CENPS: variants seen among roughly 807,000 people sequenced by gnomAD.
CENPS encodes FANCM associated histone fold protein 1.
Under a neutral mutation model 17.9 loss-of-function variants are expected in CENPS, and 16 were observed. The observed-to-expected ratio is 0.90, with a 90% CI of 0.61 to 1.36. The LOEUF is 1.36. Among genes scored for constraint, CENPS ranks in the 40% most tolerant of loss-of-function variants. The pLI is 0.00. For missense variants in CENPS, 160 were observed against 158.6 expected (o/e 1.01, Z -0.05); for synonymous variants, 49 against 55.8 (o/e 0.88, Z 0.54).
At chr1:10,438,780 T>C (rs1640285091) in intron 3 of CENPS, among the ~76,000 whole-genome samples, 1 of 152,204 alleles carries the variant, frequency 6.6e-6, no homozygotes, top group Middle Eastern at 3.2e-3. Flanking sequence ...CGTTGTTTCC[T>C]AAACGCTTTC....
At chr1:10,436,599 A>T (rs1207576405) in intron 3 of CENPS, among the ~76,000 whole-genome samples, 1 of 151,506 alleles carries the variant, frequency 6.6e-6, no homozygotes, top group Non-Finnish European at 1.5e-5. Context: ...TCAGCTACTC[A>T]AAAGGTTGAG....
intron 3 of CENPS, among the ~76,000 whole-genome samples, chr1:10,439,087 C>G (rs1640300966): frequency 6.6e-6 from 1 of 152,180 alleles, no homozygotes; most frequent in Non-Finnish European, 1.5e-5. Context: ...CAGATATTGT[C>G]AATCACGATG....
At chr1:10,430,625 CA>C in intron 1 of CENPS, 57 bp downstream of exon 1, 1 of 1,506,154 alleles carries the variant, frequency 6.6e-7, no homozygotes, top group East Asian at 2.7e-5. Flanking sequence ...AGTTTCTGGA[CA>C]GAAAAGTACC....
intron 3 of CENPS, among the ~76,000 whole-genome samples, chr1:10,435,712 T>TACACACACACACACACACACACAC (rs1157849538): frequency 7.0e-6 from 1 of 143,816 alleles, no homozygotes; most frequent in African/African-American, 2.6e-5. Context: ...AATATATATA[T>TACACACACACACACACACACACAC]ATATACACAC....
At position 10,440,349 on chromosome 1, in the gene CENPS, A is replaced by T. The variant is rs1022199082; in HGVS notation, c.212A>T (p.His71Leu). The T allele has an allele frequency of 6.2e-7, 1 of 1,613,562 alleles. No individual in the cohort carries two copies. Among genetic ancestry groups the T allele is most frequent in the African/African-American group, 1.3e-5 (1 of 74,912 alleles). ...FAKDLEMFAR[H>L]AKRTTINTED... ...ACTTGCTTCTGCCCTTTCTGCAGAC[A>T]TGCGAAAAGAACCACAATTAACACT... Residue 71 changes from histidine (H) to leucine (L), a missense_variant and splice_region_variant, in exon 4 of 5, where the codon CAT (histidine) becomes CTT (leucine). By Grantham distance (99) the His-to-Leu change is moderately conservative. Coordinates refer to ENST00000309048, the MANE Select transcript of CENPS (RefSeq NM_199294.3).
chr1:10,440,635 A>C (rs1311554783), intron 4 of CENPS, among the ~76,000 whole-genome samples: 2 of 152,166 alleles, frequency 1.3e-5, no homozygotes, highest in African/African-American at 4.8e-5. Flanking sequence ...TGGATTTTAC[A>C]ATTTGCCTGT....
intron 3 of CENPS, among the ~76,000 whole-genome samples, chr1:10,435,830 TC>T (rs1242160531): frequency 2.0e-5 from 3 of 151,992 alleles, no homozygotes; most frequent in Non-Finnish European, 4.4e-5. Context: ...TGCCTTGGGC[TC>T]CCAAAGTGCT....
At chr1:10,431,400 C>G in intron 1 of CENPS, 1 of 1,535,266 alleles carries the variant, frequency 6.5e-7, no homozygotes, top group Non-Finnish European at 8.7e-7. Context: ...TGCAAGAACA[C>G]GGTACAGAAT....
At chr1:10,433,372 G>T (rs528114858) in intron 1 of CENPS, among the ~76,000 whole-genome samples, 2 of 152,280 alleles carry the variant, frequency 1.3e-5, no homozygotes, top group African/African-American at 4.8e-5. Context: ...CCTCTGTGAC[G>T]TGCAGGCCTG....
At chr1:10,430,852 G>A in intron 1 of CENPS, 1 of 1,324,416 alleles carries the variant, frequency 7.6e-7, no homozygotes, top group Non-Finnish European at 9.6e-7. Flanking sequence ...GCCTTGCGAT[G>A]AATCCTCGGT....
Position 10,442,366 on chromosome 1 carries a change from G to A in CENPS, c.378G>A (p.Arg126=). 1 of 1,606,078 alleles carries A rather than the reference G, an allele frequency of 6.2e-7. No individual in the cohort carries two copies. Among genetic ancestry groups the A allele is most frequent in the Non-Finnish European group, 8.5e-7 (1 of 1,177,988 alleles). The change falls in exon 5 of 5, where the codon AGG becomes AGA. Residue 126 remains arginine (R), a synonymous_variant. Transcript: ENST00000309048. ...KKSEDGSKNS[R]QPAEAGVVES... The stretch of plus-strand genomic sequence containing the variant: ...CAGAGGATGGAAGCAAAAATTCAAG[G>A]CAGCCAGCAGAGGCTGGAGTGGTGG...
intron 1 of CENPS, 80 bp downstream of exon 1, chr1:10,430,648 G>A (rs1397432461): frequency 4.1e-6 from 6 of 1,478,292 alleles, no homozygotes; most frequent in South Asian, 3.9e-5. Flanking sequence ...GGCAGCCCCC[G>A]GCGGCTTCTC....
chr1:10,438,917 T>C (rs1234155686), intron 3 of CENPS, among the ~76,000 whole-genome samples: 1 of 152,242 alleles, frequency 6.6e-6, no homozygotes, highest in East Asian at 1.9e-4. Context: ...ACCCTGTCCA[T>C]GTGCACTTAA....
intron 3 of CENPS, 133 bp downstream of exon 3, chr1:10,434,823 TG>T: frequency 7.7e-7 from 1 of 1,298,556 alleles, no homozygotes; most frequent in Non-Finnish European, 1.0e-6. Flanking sequence ...TCTCTAATCA[TG>T]GTTCTGCAAG....
At chr1:10,432,841 G>A (rs115486113) in intron 1 of CENPS, among the ~76,000 whole-genome samples, 1,835 of 152,262 alleles carry the variant, frequency 0.012, 37 homozygotes, top group African/African-American at 0.042. Context: ...GCTGTAGTGT[G>A]CAGTGATCAC....
intron 1 of CENPS, chr1:10,431,099 A>G: frequency 7.1e-7 from 1 of 1,402,612 alleles, no homozygotes; most frequent in South Asian, 1.5e-5. Flanking sequence ...CTCGGCCCAG[A>G]CGCAATTTTC....
At chr1:10,432,565 A>G (rs1413514310) in intron 1 of CENPS, among the ~76,000 whole-genome samples, 2 of 152,168 alleles carry the variant, frequency 1.3e-5, no homozygotes, top group Non-Finnish European at 2.9e-5. Context: ...CAAAATTGAC[A>G]GGGTCCTGCC....
rs1432124479 is a variant in CENPS, at chr1:10,433,908, A to G, written c.118A>G (p.Met40Val). 3.7e-6 allele frequency: 6 copies of G among 1,614,082 alleles called. No homozygotes were observed. Among genetic ancestry groups the G allele is most frequent in the Non-Finnish European group, 5.1e-6 (6 of 1,180,042 alleles). Residue 40 changes from methionine (M) to valine (V), a missense_variant, in exon 2 of 5, where the codon ATG (methionine) becomes GTG (valine). Transcript: ENST00000309048. ...LCEEVALDKE[M>V]QFSKQTIAAI... Reference sequence around the variant, plus strand: ...CGAGGAAGTTGCATTGGACAAAGAGATGCAGTTCAGCAAACAGACCATTGC... The same window carrying G: ...CGAGGAAGTTGCATTGGACAAAGAGGTGCAGTTCAGCAAACAGACCATTGC...
intron 3 of CENPS, 103 bp downstream of exon 3, chr1:10,434,793 G>A (rs534375898): frequency 2.7e-5 from 39 of 1,428,026 alleles, no homozygotes; most frequent in East Asian, 2.1e-4. Context: ...TCAGTTTTCC[G>A]TGTGTTTTGT....
Sources: allele counts gnomAD v4.1 joint callset (sites outside exome capture counted in the v4.1 genomes callset), GRCh38; gene constraint gnomAD v4.1.1; transcripts MANE v1.5; gene names NCBI Gene and HGNC (gene_info 2026-07-23, HGNC 2026-07-21).